Variants in ADAMTS9 observed in about 807,000 individuals in gnomAD.
The protein encoded by ADAMTS9 is ADAM metallopeptidase with thrombospondin type 1 motif 9.
Under a neutral mutation model 257.1 loss-of-function variants are expected in ADAMTS9, and 107 were observed. The ratio of observed to expected loss-of-function variants is 0.42; its 90% CI spans 0.36 to 0.49. The LOEUF is 0.49. Ranked by LOEUF, ADAMTS9 falls within the 20% of genes least tolerant of loss-of-function variation. The pLI is 0.03. For synonymous variants in ADAMTS9, 982 were observed against 880.9 expected, an observed-to-expected ratio of 1.11 and a Z score of -2.03; for missense variants, 2,353 against 2,469.1, an observed-to-expected ratio of 0.95 and a Z score of 1.00.
At chr3:64,666,390 G>A (rs923568098) in intron 3 of ADAMTS9, among the ~76,000 whole-genome samples, 1 of 152,154 alleles carries the variant, frequency 6.6e-6, no homozygotes, top group Non-Finnish European at 1.5e-5. Context: ...TCCTCAAGGC[G>A]CTGGGCTACC....
chr3:64,527,589 C>G (rs1436932154), intron 38 of ADAMTS9, among the ~76,000 whole-genome samples: 4 of 151,704 alleles, frequency 2.6e-5, no homozygotes, highest in African/African-American at 9.7e-5. Context: ...CTGCCTGGGT[C>G]AAGATTACAT....
intron 36 of ADAMTS9, among the ~76,000 whole-genome samples, chr3:64,540,786 C>T (rs1390231146): frequency 6.6e-6 from 1 of 152,100 alleles, no homozygotes; most frequent in East Asian, 1.9e-4. Flanking sequence ...TTCTTTCATG[C>T]ACTTTCACCT....
rs779113784 is a variant in ADAMTS9 at position 64,541,905 on chromosome 3, T to C, written c.5130A>G (p.Gln1710=). The C allele has an allele frequency of 2.5e-6, 4 of 1,613,810 alleles. No individual in the cohort carries two copies. The Admixed American group carries it at 6.7e-5, about 27-fold the overall frequency. ...RSVQCLTNED[Q]PSHLCHTDLK... is the part of the protein sequence containing the mutation. ...GATCAGTGTGGCATAAGTGGCTGGG[T>C]TGGTCCTCATTGGTTAAACATTGCA... Residue 1710 remains glutamine, a synonymous_variant, in exon 33 of 40, where the codon CAA becomes CAG. Transcript: ENST00000498707.
chr3:64,665,945 T>C (rs1049212643), intron 3 of ADAMTS9, among the ~76,000 whole-genome samples: 3 of 152,160 alleles, frequency 2.0e-5, no homozygotes, highest in African/African-American at 7.2e-5. Context: ...GTTACATTTT[T>C]AAAAAAATTC....
chr3:64,632,362 C>T (rs1301726291), intron 14 of ADAMTS9, among the ~76,000 whole-genome samples: 2 of 152,200 alleles, frequency 1.3e-5, no homozygotes, highest in Non-Finnish European at 1.5e-5. Flanking sequence ...TAGCTGCTGT[C>T]CACTCCAGAC....
chr3:64,686,908 A>T lies in ADAMTS9; in HGVS notation c.176T>A (p.Leu59His). 1.2e-6 allele frequency: 2 copies of T among 1,614,218 alleles called. No homozygotes were observed. The highest frequency in any genetic ancestry group is 1.7e-6 in the Non-Finnish European group (2 of 1,180,038). ...GACGTTCGTGGGAAAGGGTTCTCCGAGAGCGTTCACTCGGATGGGAGACAC... is the reference window on the plus strand; with the variant it reads ...GACGTTCGTGGGAAAGGGTTCTCCGTGAGCGTTCACTCGGATGGGAGACAC... ...EIVSPIRVNA[L>H]GEPFPTNVHF... The change falls in exon 2 of 40, where the codon CTC becomes CAC. Residue 59 changes from leucine (L) to histidine (H), a missense_variant. By Grantham distance (99) the Leu-to-His change is moderately conservative. Transcript: ENST00000498707. This position sits in a 1 kb window ranked among gnomAD's most constrained non-coding sequence, Gnocchi z 4.6.
intron 2 of ADAMTS9, among the ~76,000 whole-genome samples, chr3:64,681,692 T>C (rs1701760753): frequency 6.6e-6 from 1 of 152,190 alleles, no homozygotes; most frequent in Non-Finnish European, 1.5e-5. Context: ...TATAGGTGCA[T>C]GCCATCATGC....
intron 10 of ADAMTS9, among the ~76,000 whole-genome samples, chr3:64,648,965 A>C (rs940127692): frequency 6.6e-6 from 1 of 152,172 alleles, no homozygotes; most frequent in Non-Finnish European, 1.5e-5. Context: ...TTCACCAGGC[A>C]ATCTCTGAAG....
chr3:64,615,326 A>G lies in ADAMTS9; in HGVS notation c.3184T>C (p.Ser1062Pro). ...PCPQWKSGDWSECLVTCGKGH... is the reference protein window; with the variant it reads ...PCPQWKSGDWPECLVTCGKGH... Reference sequence around the variant, plus strand: ...TAACAGCCCTCCCATCTTACCTCTGACCAGTCTCCAGATTTCCACTGTGGA... The same window carrying G: ...TAACAGCCCTCCCATCTTACCTCTGGCCAGTCTCCAGATTTCCACTGTGGA... Residue 1062 changes from serine to proline, a missense_variant, in exon 21 of 40, where the codon TCA becomes CCA. By Grantham distance (74) the Ser-to-Pro change is moderately conservative. This residue lies in a region of ADAMTS9 where 1,402 missense variants were observed against 1,441.4 expected (regional missense o/e 0.97). Coordinates refer to ENST00000498707, the MANE Select transcript of ADAMTS9 (RefSeq NM_182920.2). 1 of 1,613,646 alleles carries G rather than the reference A, an allele frequency of 6.2e-7. No homozygotes were observed. Among genetic ancestry groups the G allele is most frequent in the Non-Finnish European group, 8.5e-7 (1 of 1,179,728 alleles).
rs142088896 is a variant in ADAMTS9, at chr3:64,621,254, GA to G, written c.2687-15del. The G allele has an allele frequency of 9.3e-3, 14,832 of 1,599,892 alleles. 1,207 individuals carry two copies. In the African/African-American group the frequency reaches 0.17, roughly 19 times the overall value. Reference sequence around the variant, plus strand: ...GTTTCCGTTCCCCTAAGCAGAAAGGGAAAAAAAATTATTCAGGGAAAATAAT... The same window carrying G: ...GTTTCCGTTCCCCTAAGCAGAAAGGGAAAAAAATTATTCAGGGAAAATAAT... On this transcript the variant is annotated splice_polypyrimidine_tract_variant and intron_variant, in intron 18 of 39. Coordinates refer to ENST00000498707, the MANE Select transcript of ADAMTS9 (RefSeq NM_182920.2).
chr3:64,571,162 C>T (rs1257024608), intron 28 of ADAMTS9, among the ~76,000 whole-genome samples: 1 of 152,178 alleles, frequency 6.6e-6, no homozygotes, highest in Admixed American at 6.5e-5. Context: ...TTGGCAACAA[C>T]CTGTAGAGGA....
intron 3 of ADAMTS9, among the ~76,000 whole-genome samples, chr3:64,677,710 C>A (rs566498317): frequency 6.6e-6 from 1 of 151,956 alleles, no homozygotes; most frequent in East Asian, 1.9e-4. Flanking sequence ...ACTCATTTAG[C>A]CCTAACTTCA....
chr3:64,655,428 A>G (rs1007261383), intron 6 of ADAMTS9, 148 bp downstream of exon 6: 15 of 654,240 alleles, frequency 2.3e-5, no homozygotes, highest in East Asian at 5.4e-5. Context: ...ACATCTTGCA[A>G]TGCACAGAAG....
At chr3:64,647,520 T>C (rs1274609113) in intron 11 of ADAMTS9, among the ~76,000 whole-genome samples, 1 of 152,226 alleles carries the variant, frequency 6.6e-6, no homozygotes, top group Non-Finnish European at 1.5e-5. Context: ...TAGTAGTACC[T>C]GCAATAGATG....
Position 64,591,578 on chromosome 3 carries a change from G to A in ADAMTS9, c.4356+2680C>T, listed in dbSNP as rs537786565. 9.2e-5 allele frequency among the ~76,000 whole-genome samples: 14 copies of A among 152,292 alleles called. No homozygotes were observed. In the South Asian group the frequency reaches 2.7e-3, roughly 29 times the overall value. ...ATGATTCTTAAATCCGCAATGACTTGAGCCAGAACCAATGGCTGATCTAAG... is the reference window on the plus strand; with the variant it reads ...ATGATTCTTAAATCCGCAATGACTTAAGCCAGAACCAATGGCTGATCTAAG... On this transcript the variant is annotated intron_variant, in intron 28 of 39. Transcript: ENST00000498707.
chr3:64,546,751 T>C lies in ADAMTS9; in HGVS notation c.5064+7A>G. On this transcript the variant is annotated splice_region_variant and intron_variant, in intron 32 of 39. Coordinates refer to ENST00000498707, the MANE Select transcript of ADAMTS9 (RefSeq NM_182920.2). The stretch of plus-strand genomic sequence containing the variant: ...TTTCAGATTTGAGTGCTCAGTCTTC[T>C]ACTTACGCTCCCCCAGTTGCCAACT... The C allele has an allele frequency of 3.1e-6, 5 of 1,589,934 alleles. No individual in the cohort carries two copies. In the South Asian group the frequency reaches 5.8e-5, roughly 19 times the overall value.
At chr3:64,601,569 T>A (rs2084462634) in intron 26 of ADAMTS9, among the ~76,000 whole-genome samples, 1 of 152,146 alleles carries the variant, frequency 6.6e-6, no homozygotes, top group African/African-American at 2.4e-5. Flanking sequence ...GAGGGGAAAG[T>A]GACTTTCATT....
chr3:64,603,439 G>T (rs2084501713), intron 25 of ADAMTS9, among the ~76,000 whole-genome samples: 1 of 152,118 alleles, frequency 6.6e-6, no homozygotes, highest in Non-Finnish European at 1.5e-5. Flanking sequence ...CATAGATAGT[G>T]CTTGGTGTAC....
Position 64,616,025 on chromosome 3 carries a change from T to C in ADAMTS9, c.2959A>G (p.Ser987Gly). 6.2e-7 allele frequency: 1 copy of C among 1,614,008 alleles called. No homozygotes were observed. The highest frequency in any genetic ancestry group is 8.5e-7 in the Non-Finnish European group (1 of 1,179,986). ...TCCCCTGAGCATTTTTCACGGTTGC[T>C]TGGTTTGGGATGGCTGCTGCAAAAA... ...DGFCSSHPKP[S>G]NREKCSGECN... The change falls in exon 20 of 40, where the codon AGC becomes GGC. Residue 987 changes from serine (S) to glycine (G), a missense_variant. Physicochemically the swap from Ser to Gly is moderately conservative, Grantham distance 56 (BLOSUM62 0). Coordinates refer to ENST00000498707, the MANE Select transcript of ADAMTS9 (RefSeq NM_182920.2).
Sources: allele counts gnomAD v4.1 joint callset (sites outside exome capture counted in the v4.1 genomes callset), GRCh38; gene constraint gnomAD v4.1.1; regional missense constraint gnomAD v4.1.1; non-coding constraint Gnocchi (gnomAD v3.1); transcripts MANE v1.5; gene names NCBI Gene and HGNC (gene_info 2026-07-23, HGNC 2026-07-21).